DOCK9: variants seen among roughly 807,000 people sequenced by gnomAD.
The protein encoded by DOCK9 is dedicator of cytokinesis protein 9.
DOCK9 carries 89 observed loss-of-function variants against 263.3 expected under a neutral mutation model. The ratio of observed to expected loss-of-function variants is 0.34; its 90% CI spans 0.28 to 0.40. The LOEUF (loss-of-function observed/expected upper bound fraction) is 0.40, where lower values mean the gene tolerates loss of function less well. DOCK9 is among the 10% of genes least tolerant of loss of function. The pLI, the probability that DOCK9 is intolerant of heterozygous loss-of-function variation, is 1.00. For synonymous variants in DOCK9, 976 were observed against 973.1 expected, an observed-to-expected ratio of 1.00 and a Z score of -0.06; for missense variants, 2,140 against 2,603.4, an observed-to-expected ratio of 0.82 and a Z score of 3.87.
Position 99,068,874 on chromosome 13 carries a change from C to T in DOCK9, c.129+17349G>A, listed in dbSNP as rs544837302. On this transcript the variant is annotated intron_variant, in intron 1 of 32. Transcript: ENST00000427887. ...ATAGTTTACAGATGAACCTACTATA[C>T]TATAAATATTATGGCACCTCTGCTA... 1.2e-3 allele frequency among the ~76,000 whole-genome samples: 185 copies of T among 152,272 alleles called. 2 individuals carry two copies. The highest frequency in any genetic ancestry group is 4.4e-3 in the African/African-American group (181 of 41,544).
chr13:99,033,150 C>T (rs1175157864), intron 1 of DOCK9, among the ~76,000 whole-genome samples: 1 of 152,152 alleles, frequency 6.6e-6, no homozygotes, highest in Non-Finnish European at 1.5e-5. Context: ...CAGTTGAGAA[C>T]TAAAAACTAA....
At chr13:98,910,990 C>A (rs1566940078) in intron 9 of DOCK9, among the ~76,000 whole-genome samples, 1 of 152,062 alleles carries the variant, frequency 6.6e-6, no homozygotes, top group Admixed American at 6.6e-5. Flanking sequence ...AGTTCAGACA[C>A]CCTGAAGGGG....
chr13:98,958,316 C>G (rs61968863), intron 1 of DOCK9, among the ~76,000 whole-genome samples: 18,901 of 152,244 alleles, frequency 0.12, 1,432 homozygotes, highest in African/African-American at 0.21. Flanking sequence ...CAGCCCACGG[C>G]ACCTCAGCAA....
Position 98,906,094 on chromosome 13 carries a change from C to T in DOCK9, c.961-1388G>A, listed in dbSNP as rs116591617. Among the ~76,000 whole-genome samples the T allele has an allele frequency of 3.0e-3, 461 of 152,270 alleles. 4 individuals are homozygous for T. Among genetic ancestry groups the T allele is most frequent in the African/African-American group, 0.011 (442 of 41,538 alleles). ...GCCAAAAAGATGATAATATTTTTAT[C>T]ATCTTTGTGTAGAGACGCCTGGGTA... On this transcript the variant is annotated intron_variant, in intron 9 of 52. Transcript: ENST00000682017.
intron 1 of DOCK9, among the ~76,000 whole-genome samples, chr13:99,015,121 T>C (rs1212726858): frequency 6.6e-6 from 1 of 152,226 alleles, no homozygotes; most frequent in Non-Finnish European, 1.5e-5. Flanking sequence ...TTCACATATA[T>C]AATACCCTAA....
At chr13:98,977,747 G>A in intron 1 of DOCK9, 37 bp downstream of exon 1, 1 of 1,604,610 alleles carries the variant, frequency 6.2e-7, no homozygotes, top group Non-Finnish European at 8.5e-7. Flanking sequence ...CCCAGCATTG[G>A]GTAGACACAG....
intron 1 of DOCK9, among the ~76,000 whole-genome samples, chr13:99,033,608 G>A (rs1479376721): frequency 6.6e-6 from 1 of 152,156 alleles, no homozygotes; most frequent in Admixed American, 6.5e-5. Context: ...TGGTCTAAAG[G>A]GATGGCACAG....
chr13:98,949,816 C>A, intron 2 of DOCK9: 1 of 474,320 alleles, frequency 2.1e-6, no homozygotes, highest in Non-Finnish European at 4.1e-6. Context: ...TGATGGGCCA[C>A]CGAGAGGTGG....
intron 1 of DOCK9, chr13:99,025,113 C>T (rs1419437441): frequency 6.6e-6 from 1 of 152,180 alleles, no homozygotes; most frequent in Admixed American, 6.5e-5. Flanking sequence ...TCAAACATTC[C>T]TTGACGTTTA....
chr13:98,873,693 A>T (rs2094249280), intron 27 of DOCK9, among the ~76,000 whole-genome samples: 1 of 152,230 alleles, frequency 6.6e-6, no homozygotes. Flanking sequence ...GCAGCACTCC[A>T]GGGGGCAAAC....
chr13:98,963,122 A>G (rs760630870), intron 1 of DOCK9, among the ~76,000 whole-genome samples: 8 of 152,104 alleles, frequency 5.3e-5, no homozygotes, highest in Non-Finnish European at 1.0e-4. Context: ...TCTACTGAGC[A>G]TGGCAGCGGG....
chr13:98,870,027 G>C (rs747392286), intron 27 of DOCK9, among the ~76,000 whole-genome samples: 5 of 152,226 alleles, frequency 3.3e-5, no homozygotes, highest in African/African-American at 4.8e-5. Context: ...GTCCAAGAGA[G>C]AAATGAACCT....
At chr13:99,022,154 G>A (rs1886198120) in intron 1 of DOCK9, among the ~76,000 whole-genome samples, 1 of 152,094 alleles carries the variant, frequency 6.6e-6, no homozygotes, top group Non-Finnish European at 1.5e-5. Context: ...AAGAGAGTTA[G>A]AACACTTTGA....
At chr13:99,025,667 G>C (rs1886621971) in intron 1 of DOCK9, among the ~76,000 whole-genome samples, 1 of 152,208 alleles carries the variant, frequency 6.6e-6, no homozygotes, top group Non-Finnish European at 1.5e-5. Flanking sequence ...GTTAAACCCA[G>C]GTTACCGTAT....
Position 98,923,293 on chromosome 13 carries a change from G to T in DOCK9, c.486+9C>A. ...TGAAAAGAGAAGCAACAGCAAGCAG[G>T]TATCCCACCTCATCTTTGTCGACCT... On this transcript the variant is annotated intron_variant, in intron 5 of 52. Coordinates refer to ENST00000682017, the MANE Select transcript of DOCK9 (RefSeq NM_001366683.2). 2 of 1,611,752 alleles carry T rather than the reference G, an allele frequency of 1.2e-6. No individual in the cohort carries two copies. The highest frequency in any genetic ancestry group is 1.7e-6 in the Non-Finnish European group (2 of 1,177,950).
chr13:98,896,398 A>G (rs2047432983), intron 15 of DOCK9, among the ~76,000 whole-genome samples: 1 of 152,052 alleles, frequency 6.6e-6, no homozygotes, highest in East Asian at 1.9e-4. Context: ...TACTGAAGAC[A>G]GATAAGAAAA....
At chr13:99,034,540 C>T (rs1887660934) in intron 1 of DOCK9, among the ~76,000 whole-genome samples, 1 of 152,178 alleles carries the variant, frequency 6.6e-6, no homozygotes, top group Non-Finnish European at 1.5e-5. Flanking sequence ...CTCAGCTCCT[C>T]ATCTGCAAAA....
intron 20 of DOCK9, 175 bp from the exon 21 acceptor site, chr13:98,885,267 G>C (rs1217322864): frequency 1.1e-6 from 1 of 872,886 alleles, no homozygotes; most frequent in Non-Finnish European, 1.7e-6. Flanking sequence ...AATGTACTTA[G>C]GCCTTTTCGG....
intron 37 of DOCK9, chr13:98,846,474 C>T (rs780777478): frequency 2.0e-5 from 26 of 1,314,288 alleles, no homozygotes; most frequent in Non-Finnish European, 2.6e-5. Flanking sequence ...AGAGAACAAA[C>T]ATGCAAAGGA....
Sources: allele counts gnomAD v4.1 joint callset (sites outside exome capture counted in the v4.1 genomes callset), GRCh38; gene constraint gnomAD v4.1.1; transcripts MANE v1.5; gene names NCBI Gene and HGNC (gene_info 2026-07-23, HGNC 2026-07-21).